NTM: variants seen among roughly 807,000 people sequenced by gnomAD.
The protein encoded by NTM is IgLON family member 2.
NTM carries 13 observed loss-of-function variants against 42.1 expected under a neutral mutation model. The observed-to-expected ratio is 0.31, with a 90% CI of 0.20 to 0.49. The LOEUF is 0.49. Ranked by LOEUF, NTM falls within the 20% of genes least tolerant of loss-of-function variation. The pLI is 0.99. For synonymous variants in NTM, 187 were observed against 179.2 expected (o/e 1.04, Z -0.35); for missense variants, 373 against 452.8 (o/e 0.82, Z 1.60).
chr11:131,945,512 A>G (rs1329508414), intron 2 of NTM, among the ~76,000 whole-genome samples: 3 of 152,166 alleles, frequency 2.0e-5, no homozygotes, highest in African/African-American at 4.8e-5. Flanking sequence ...CCCCTAACAC[A>G]TGTAAGCCTA....
chr11:132,262,512 G>T (rs759778903), intron 4 of NTM, among the ~76,000 whole-genome samples: 1 of 152,180 alleles, frequency 6.6e-6, no homozygotes, highest in Non-Finnish European at 1.5e-5. Flanking sequence ...TTCTTGACTT[G>T]TAAGTTGTTG....
chr11:131,728,466 G>A (rs1403419250), intron 1 of NTM, among the ~76,000 whole-genome samples: 1 of 152,222 alleles, frequency 6.6e-6, no homozygotes, highest in African/African-American at 2.4e-5. Flanking sequence ...GAGGCATGGA[G>A]ATACCATTCC....
chr11:131,539,892 A>G (rs928430477), intron 1 of NTM, among the ~76,000 whole-genome samples: 1 of 152,106 alleles, frequency 6.6e-6, no homozygotes, highest in Non-Finnish European at 1.5e-5. Context: ...TCTCCATGGG[A>G]AAAACTCATC....
At position 132,336,380 on chromosome 11, in the gene NTM, T is replaced by C. The variant is rs1389515695; in HGVS notation, c.*1234T>C. ...ACATGTCAGAGACATTTATAAAAAG[T>C]GAAAGGATAAAAAAAAAAAAAAACA... is the stretch of plus-strand genomic sequence containing the variant. On this transcript the variant is annotated 3_prime_UTR_variant, in exon 9 of 9. Coordinates refer to ENST00000683400, the MANE Select transcript of NTM (RefSeq NM_001352005.2). 1 of 148,502 alleles carries C rather than the reference T, an allele frequency of 6.7e-6. No homozygotes were observed. The highest frequency in any genetic ancestry group is 1.5e-5 in the Non-Finnish European group (1 of 67,048). 9.2% of individuals were successfully genotyped at this position (148,502 alleles called of 1,614,324 possible). A position where few individuals can be genotyped will look rare whatever the true frequency, so the allele number is the denominator to read the frequency against.
intron 1 of NTM, among the ~76,000 whole-genome samples, chr11:131,505,776 C>T (rs962258789): frequency 6.6e-6 from 1 of 152,184 alleles, no homozygotes; most frequent in Non-Finnish European, 1.5e-5. Flanking sequence ...AGACCCAACC[C>T]AGTTGAGAAC....
At chr11:132,314,742 G>C in intron 7 of NTM, 39 bp downstream of exon 7, 1 of 1,590,028 alleles carries the variant, frequency 6.3e-7, no homozygotes, top group South Asian at 1.2e-5. Flanking sequence ...AGAGGGGAGA[G>C]GGTGCAGAAC....
chr11:132,027,309 A>G (rs2075314786), intron 2 of NTM, among the ~76,000 whole-genome samples: 1 of 152,342 alleles, frequency 6.6e-6, no homozygotes, highest in South Asian at 2.1e-4. Context: ...TTGATAGAGG[A>G]ATCCCTGATA....
At chr11:132,014,642 G>A (rs2072997509) in intron 2 of NTM, among the ~76,000 whole-genome samples, 1 of 150,522 alleles carries the variant, frequency 6.6e-6, no homozygotes, top group Non-Finnish European at 1.5e-5. Flanking sequence ...GAGTGATGTT[G>A]ACCATTTTTT....
At position 132,312,515 on chromosome 11, in the gene NTM, G is replaced by A. The variant is rs115325117; in HGVS notation, c.783-2037G>A. 5.5e-3 allele frequency: 851 copies of A among 154,488 alleles called. 8 individuals are homozygous for A. Among genetic ancestry groups the A allele is most frequent in the African/African-American group, 0.019 (812 of 41,652 alleles). The allele number at this position is 154,488 out of a possible 1,614,324, so 9.6% of individuals were successfully genotyped here. A position where few individuals can be genotyped will look rare whatever the true frequency, so the allele number is the denominator to read the frequency against. On this transcript the variant is annotated intron_variant, in intron 6 of 8. Coordinates refer to ENST00000683400, the MANE Select transcript of NTM (RefSeq NM_001352005.2). ...GGAAGCAGTGCGGGATGGAGGGGAT[G>A]TGTGCCCGCACAGAGAAGGGGAAAG...
intron 1 of NTM, among the ~76,000 whole-genome samples, chr11:131,707,792 A>T (rs1042809057): frequency 6.6e-6 from 1 of 152,150 alleles, no homozygotes; most frequent in Non-Finnish European, 1.5e-5. Context: ...AATAAAGGTG[A>T]CAAGTCCATA....
At chr11:131,819,882 G>A (rs1311365654) in intron 1 of NTM, among the ~76,000 whole-genome samples, 2 of 152,182 alleles carry the variant, frequency 1.3e-5, no homozygotes, top group Non-Finnish European at 2.9e-5. Context: ...TATGGATGCT[G>A]CTGTGGACGT....
chr11:131,437,693 T>C (rs1017675048), intron 1 of NTM, among the ~76,000 whole-genome samples: 6 of 152,230 alleles, frequency 3.9e-5, no homozygotes, highest in African/African-American at 1.4e-4. Flanking sequence ...GCATGTGAGA[T>C]GGGTCTCCTG....
chr11:131,800,891 C>G (rs1161707539), intron 1 of NTM, among the ~76,000 whole-genome samples: 1 of 152,166 alleles, frequency 6.6e-6, no homozygotes, highest in East Asian at 1.9e-4. Context: ...AATGGAATCA[C>G]AGCTGCCCAC....
chr11:131,749,563 CG>C, intron 1 of NTM, among the ~76,000 whole-genome samples: 1 of 152,260 alleles, frequency 6.6e-6, no homozygotes, highest in Non-Finnish European at 1.5e-5. Flanking sequence ...CTGTTGTTGA[CG>C]TATGTCCCTG....
chr11:132,294,081 A>C (rs1156925800), intron 4 of NTM, among the ~76,000 whole-genome samples: 1 of 152,122 alleles, frequency 6.6e-6, no homozygotes, highest in Non-Finnish European at 1.5e-5. Flanking sequence ...GCATCATAGG[A>C]AAGCATGGTT....
Position 132,228,233 on chromosome 11 carries a change from T to C in NTM, c.526+16086T>C, listed in dbSNP as rs142541884. 3.2e-3 allele frequency among the ~76,000 whole-genome samples: 483 copies of C among 152,264 alleles called. 3 individuals carry two copies. Among genetic ancestry groups the C allele is most frequent in the African/African-American group, 0.011 (458 of 41,552 alleles). On this transcript the variant is annotated intron_variant, in intron 4 of 8. Coordinates refer to ENST00000683400, the MANE Select transcript of NTM (RefSeq NM_001352005.2). ...GGCTCTGGGGAAAATACCTCTGCTC[T>C]ACGTAGGTCCATGCCCTGGGAATTC...
Position 132,146,456 on chromosome 11 carries a change from C to A in NTM, c.342C>A (p.Thr114=), listed in dbSNP as rs1286696794. The A allele has an allele frequency of 6.2e-7, 1 of 1,614,072 alleles. No individual in the cohort carries two copies. The highest frequency in any genetic ancestry group is 8.5e-7 in the Non-Finnish European group (1 of 1,180,044). The change falls in exon 3 of 9, where the codon ACC becomes ACA. Residue 114 remains threonine, a synonymous_variant. Transcript: ENST00000683400. This position sits in a 1 kb window ranked among gnomAD's most constrained non-coding sequence, Gnocchi z 4.5. ...NVDVYDEGPY[T]CSVQTDNHPK... is the part of the protein sequence containing the mutation. ...ATGTGTATGACGAGGGCCCTTACAC[C>A]TGCTCGGTGCAGACAGACAACCACC...
At chr11:131,373,714 C>T (rs561191436) in intron 1 of NTM, among the ~76,000 whole-genome samples, 1 of 152,134 alleles carries the variant, frequency 6.6e-6, no homozygotes, top group Admixed American at 6.5e-5. Context: ...GCAGCTTCCT[C>T]TTTCTAGAAA....
intron 1 of NTM, chr11:131,537,139 A>AAG (rs1356845108): frequency 1.3e-5 from 2 of 151,826 alleles, no homozygotes; most frequent in African/African-American, 4.8e-5. Context: ...GTAGGCATTC[A>AAG]AGAGAAAGGT....
Sources: allele counts gnomAD v4.1 joint callset (sites outside exome capture counted in the v4.1 genomes callset), GRCh38; gene constraint gnomAD v4.1.1; non-coding constraint Gnocchi (gnomAD v3.1); transcripts MANE v1.5; gene names NCBI Gene and HGNC (gene_info 2026-07-23, HGNC 2026-07-21).